AP3S1: variants seen among roughly 807,000 people sequenced by gnomAD.
The protein encoded by AP3S1 is AP-3 complex subunit sigma-1.
Under a neutral mutation model 21.3 loss-of-function variants are expected in AP3S1, and 12 were observed. The ratio of observed to expected loss-of-function variants is 0.56; its 90% CI spans 0.36 to 0.91. AP3S1 has a LOEUF of 0.91. Ranked by LOEUF, AP3S1 falls within the 40% of genes least tolerant of loss-of-function variation. AP3S1 has a pLI of 0.01. For missense variants in AP3S1, 116 were observed against 225.0 expected, an observed-to-expected ratio of 0.52 and a Z score of 3.10; for synonymous variants, 48 against 78.4, an observed-to-expected ratio of 0.61 and a Z score of 2.05.
intron 3 of AP3S1, among the ~76,000 whole-genome samples, chr5:115,875,501 G>A (rs899431428): frequency 5.9e-5 from 9 of 152,126 alleles, no homozygotes; most frequent in African/African-American, 1.9e-4. Context: ...GTAGGTTTGG[G>A]TACCACCTGT....
chr5:115,869,416 C>T (rs905833042), intron 2 of AP3S1, among the ~76,000 whole-genome samples: 8 of 152,062 alleles, frequency 5.3e-5, no homozygotes, highest in African/African-American at 1.9e-4. Flanking sequence ...TACAAATGCC[C>T]CATGATCTAA....
intron 3 of AP3S1, among the ~76,000 whole-genome samples, chr5:115,871,044 G>C (rs1748190922): frequency 6.6e-6 from 1 of 152,224 alleles, no homozygotes; most frequent in South Asian, 2.1e-4. Flanking sequence ...CAAGTTTAGG[G>C]AACTGGAATC....
Position 115,908,861 on chromosome 5 carries a change from T to C in AP3S1, c.454-4501T>C, listed in dbSNP as rs184456113. The C allele has an allele frequency of 1.3e-3, 581 of 443,880 alleles. 3 individuals are homozygous for C. The highest frequency in any genetic ancestry group is 5.3e-4 in the Non-Finnish European group (179 of 335,292). The allele number at this position is 443,880 out of a possible 1,614,324, so 27.5% of individuals were successfully genotyped here. A position where few individuals can be genotyped will look rare whatever the true frequency, so the allele number is the denominator to read the frequency against. The stretch of plus-strand genomic sequence containing the variant: ...GAGGGATTTTTTAAACTATTGACAT[T>C]TTCTTTTTTGCTCAAAAACATGCTT... On this transcript the variant is annotated intron_variant, in intron 5 of 5. Coordinates refer to ENST00000316788, the MANE Select transcript of AP3S1 (RefSeq NM_001284.4).
chr5:115,848,624 C>T (rs1048023665), intron 1 of AP3S1, among the ~76,000 whole-genome samples: 2 of 152,168 alleles, frequency 1.3e-5, no homozygotes. Context: ...GTCAAGAGTT[C>T]ATTCTTACCT....
chr5:115,904,876 G>T (rs1751506956), intron 5 of AP3S1, among the ~76,000 whole-genome samples: 3 of 152,086 alleles, frequency 2.0e-5, no homozygotes, highest in Non-Finnish European at 1.5e-5. Flanking sequence ...TTAATAACTG[G>T]TATAAATGAA....
intron 2 of AP3S1, among the ~76,000 whole-genome samples, chr5:115,868,893 G>GAGAGAGAGAGAC (rs200905987): frequency 0.35 from 41,440 of 119,854 alleles, 7,884 homozygotes; most frequent in Admixed American, 0.44. Flanking sequence ...AAAAGAAAGA[G>GAGAGAGAGAGAC]AGAGAGAGAG....
intron 2 of AP3S1, among the ~76,000 whole-genome samples, chr5:115,867,155 A>AT (rs1263502170): frequency 6.6e-6 from 1 of 152,080 alleles, no homozygotes; most frequent in Non-Finnish European, 1.5e-5. Flanking sequence ...CAACCTTAAA[A>AT]TTTTTATTTA....
chr5:115,868,668 G>A (rs2112834238), intron 2 of AP3S1, among the ~76,000 whole-genome samples: 1 of 152,012 alleles, frequency 6.6e-6, no homozygotes, highest in East Asian at 1.9e-4. Flanking sequence ...GATCTCCTGA[G>A]CTCAGGAGTT....
chr5:115,842,134 G>A, intron 1 of AP3S1, 28 bp downstream of exon 1: 1 of 1,518,338 alleles, frequency 6.6e-7, no homozygotes, highest in Non-Finnish European at 8.8e-7. Context: ...GCTGATCCGG[G>A]CGAGGGGGAG....
At chr5:115,867,059 C>G (rs1455074324) in intron 2 of AP3S1, among the ~76,000 whole-genome samples, 1 of 151,940 alleles carries the variant, frequency 6.6e-6, no homozygotes, top group Non-Finnish European at 1.5e-5. Flanking sequence ...AACCTTAGTC[C>G]TTCTACCCAA....
intron 1 of AP3S1, among the ~76,000 whole-genome samples, chr5:115,853,827 A>C (rs1459767531): frequency 1.3e-5 from 2 of 152,200 alleles, no homozygotes. Context: ...CTCTCTAAAT[A>C]TTTCAAACTC....
intron 3 of AP3S1, among the ~76,000 whole-genome samples, chr5:115,880,321 C>A (rs904246495): frequency 6.6e-6 from 1 of 152,212 alleles, no homozygotes; most frequent in African/African-American, 2.4e-5. Flanking sequence ...TTCCCGCTTT[C>A]TCCTGTGGAG....
At chr5:115,862,331 AT>A (rs1234894237) in intron 1 of AP3S1, among the ~76,000 whole-genome samples, 1 of 152,176 alleles carries the variant, frequency 6.6e-6, no homozygotes, top group Non-Finnish European at 1.5e-5. Context: ...ATAAAAAAAA[AT>A]TAAAAACTTT....
chr5:115,856,549 G>T (rs1476337383), intron 1 of AP3S1, among the ~76,000 whole-genome samples: 1 of 151,874 alleles, frequency 6.6e-6, no homozygotes, highest in Non-Finnish European at 1.5e-5. Flanking sequence ...TCAACCTCCA[G>T]GGCTCAAGGG....
intron 3 of AP3S1, among the ~76,000 whole-genome samples, chr5:115,884,379 C>G (rs1053000844): frequency 2.0e-5 from 3 of 152,166 alleles, no homozygotes; most frequent in Non-Finnish European, 4.4e-5. Flanking sequence ...GCCTGGCCAA[C>G]ATGGTGAAAC....
intron 1 of AP3S1, among the ~76,000 whole-genome samples, chr5:115,852,514 G>A (rs768083888): frequency 6.6e-6 from 1 of 152,044 alleles, no homozygotes; most frequent in Non-Finnish European, 1.5e-5. Context: ...ATATAATACA[G>A]TGGCTTCTAG....
chr5:115,891,689 G>T (rs574340517), intron 3 of AP3S1, among the ~76,000 whole-genome samples: 2 of 152,122 alleles, frequency 1.3e-5, no homozygotes, highest in Non-Finnish European at 2.9e-5. Flanking sequence ...GCACTGCCTC[G>T]TGGAGTTATG....
intron 3 of AP3S1, among the ~76,000 whole-genome samples, chr5:115,888,310 T>C (rs1047135228): frequency 6.6e-6 from 1 of 152,174 alleles, no homozygotes; most frequent in Non-Finnish European, 1.5e-5. Flanking sequence ...ATTGTTGTTA[T>C]GGTTAGAACC....
intron 5 of AP3S1, among the ~76,000 whole-genome samples, chr5:115,906,261 A>G (rs1387499505): frequency 1.3e-5 from 2 of 152,244 alleles, no homozygotes; most frequent in African/African-American, 4.8e-5. Context: ...GTAATATCTT[A>G]GGAACATCAT....
Sources: allele counts gnomAD v4.1 joint callset (sites outside exome capture counted in the v4.1 genomes callset), GRCh38; gene constraint gnomAD v4.1.1; transcripts MANE v1.5; gene names NCBI Gene and HGNC (gene_info 2026-07-23, HGNC 2026-07-21).